Variants in CCDC91 observed in about 807,000 individuals in gnomAD.
CCDC91 encodes the protein coiled-coil domain-containing protein 91.
In CCDC91, 48 loss-of-function variants were observed where a neutral mutation model predicts 63.2. That is an observed-to-expected ratio of 0.76 (90% CI 0.60 to 0.97). The LOEUF (loss-of-function observed/expected upper bound fraction) is 0.97. Ranked by LOEUF, CCDC91 falls within the 50% of genes least tolerant of loss-of-function variation. The pLI is 0.00. For synonymous variants in CCDC91, 167 were observed against 165.8 expected (o/e 1.01, Z -0.06); for missense variants, 500 against 494.6 (o/e 1.01, Z -0.10).
intron 6 of CCDC91, among the ~76,000 whole-genome samples, chr12:28,324,852 C>T (rs1432460299): frequency 2.6e-5 from 4 of 151,594 alleles, no homozygotes; most frequent in Non-Finnish European, 4.4e-5. Context: ...ACCGTAAGAA[C>T]CATACAATTT....
intron 3 of CCDC91, among the ~76,000 whole-genome samples, chr12:28,283,472 G>A (rs756461103): frequency 1.1e-4 from 16 of 151,914 alleles, no homozygotes; most frequent in Non-Finnish European, 2.2e-4. Flanking sequence ...TGCAGCTGTT[G>A]TAAATGGGAT....
chr12:28,545,756 G>C lies in CCDC91; in HGVS notation c.1216-3307G>C, dbSNP rs78630243. 1.6e-3 allele frequency among the ~76,000 whole-genome samples: 246 copies of C among 152,152 alleles called. 2 individuals carry two copies. Among genetic ancestry groups the C allele is most frequent in the African/African-American group, 5.8e-3 (239 of 41,548 alleles). The stretch of plus-strand genomic sequence containing the variant: ...GAGAAGCGTGTGGTGTGTTTAAACA[G>C]AAATCTATCAAACTTTTTTTGTCCT... On this transcript the variant is annotated intron_variant, in intron 12 of 12. Coordinates refer to ENST00000536442, the MANE Select transcript of CCDC91 (RefSeq NM_018318.5).
At chr12:28,192,437 T>C (rs1392278762) in intron 1 of CCDC91, among the ~76,000 whole-genome samples, 1 of 152,190 alleles carries the variant, frequency 6.6e-6, no homozygotes, top group Admixed American at 6.5e-5. Flanking sequence ...TCCCAAACTG[T>C]AGGTCATAAT....
At chr12:28,439,327 G>A (rs370744258) in intron 8 of CCDC91, among the ~76,000 whole-genome samples, 2 of 152,210 alleles carry the variant, frequency 1.3e-5, no homozygotes, top group African/African-American at 2.4e-5. Context: ...CCATAAATGG[G>A]TGAAATGTCC....
chr12:28,336,957 T>G (rs767703963), intron 6 of CCDC91, among the ~76,000 whole-genome samples: 9 of 152,158 alleles, frequency 5.9e-5, no homozygotes, highest in Non-Finnish European at 1.3e-4. Flanking sequence ...ATTTTTCATC[T>G]TTTAGTATAT....
At chr12:28,405,067 C>CT (rs145338903) in intron 8 of CCDC91, among the ~76,000 whole-genome samples, 14 of 151,648 alleles carry the variant, frequency 9.2e-5, no homozygotes, top group South Asian at 2.1e-4. Flanking sequence ...ATTTGTTGCT[C>CT]TTTTTTTTGG....
chr12:28,515,783 A>T (rs947446722), intron 12 of CCDC91, among the ~76,000 whole-genome samples: 8 of 151,766 alleles, frequency 5.3e-5, no homozygotes, highest in Non-Finnish European at 1.0e-4. Context: ...ATTCTATGTT[A>T]TTTTTTTCCT....
At chr12:28,441,146 T>G (rs572414566) in intron 8 of CCDC91, among the ~76,000 whole-genome samples, 19 of 147,554 alleles carry the variant, frequency 1.3e-4, no homozygotes, top group Non-Finnish European at 2.2e-4. Context: ...GATAAAATAC[T>G]TAACATTTTT....
intron 11 of CCDC91, among the ~76,000 whole-genome samples, chr12:28,460,375 C>T (rs1361585839): frequency 1.3e-5 from 2 of 151,928 alleles, no homozygotes; most frequent in Non-Finnish European, 2.9e-5. Flanking sequence ...TACTTGTGAT[C>T]AAAAGAATTT....
At chr12:28,424,005 G>T (rs1035846964) in intron 8 of CCDC91, among the ~76,000 whole-genome samples, 1 of 152,124 alleles carries the variant, frequency 6.6e-6, no homozygotes, top group African/African-American at 2.4e-5. Flanking sequence ...ATTGTTTTAT[G>T]GAACTTCATA....
chr12:28,341,287 G>A (rs1942401728), intron 6 of CCDC91, among the ~76,000 whole-genome samples: 1 of 152,172 alleles, frequency 6.6e-6, no homozygotes, highest in African/African-American at 2.4e-5. Context: ...ACATTTGGGT[G>A]TGAAGGCAGG....
chr12:28,237,772 T>C (rs1263508424), intron 1 of CCDC91, among the ~76,000 whole-genome samples: 3 of 152,242 alleles, frequency 2.0e-5, no homozygotes, highest in Non-Finnish European at 4.4e-5. Flanking sequence ...GAAACTATTA[T>C]GTGTGAATAT....
At position 28,194,401 on chromosome 12, in the gene CCDC91, C is replaced by T. The variant is rs1253258400; in HGVS notation, c.-15+3760C>T. The stretch of plus-strand genomic sequence containing the variant: ...TCAAGAATGAAGGCACGGACCCTCG[C>T]AGTGAGTGTTACAGTTCTTGAAGAT... On this transcript the variant is annotated intron_variant, in intron 1 of 12. Coordinates refer to ENST00000536442, the MANE Select transcript of CCDC91 (RefSeq NM_018318.5). Among the ~76,000 whole-genome samples, 3 of 152,300 alleles carry T rather than the reference C, an allele frequency of 2.0e-5. No individual in the cohort carries two copies. In the East Asian group the frequency reaches 5.8e-4, roughly 29 times the overall value.
At position 28,339,981 on chromosome 12, in the gene CCDC91, C is replaced by T. The variant is rs150476414; in HGVS notation, c.577-22457C>T. 7.4e-4 allele frequency among the ~76,000 whole-genome samples: 113 copies of T among 152,170 alleles called. 1 individual carries two copies. Among genetic ancestry groups the T allele is most frequent in the African/African-American group, 2.6e-3 (109 of 41,522 alleles). On this transcript the variant is annotated intron_variant, in intron 6 of 12. Coordinates refer to ENST00000536442, the MANE Select transcript of CCDC91 (RefSeq NM_018318.5). The stretch of plus-strand genomic sequence containing the variant: ...ATACACACATATATATGTATATATA[C>T]ACACACTACTTATAGCTATATTTTG...
intron 3 of CCDC91, among the ~76,000 whole-genome samples, chr12:28,280,017 C>G (rs1948500602): frequency 6.6e-6 from 1 of 151,932 alleles, no homozygotes; most frequent in Non-Finnish European, 1.5e-5. Flanking sequence ...AGAATATAAA[C>G]AGAGGAAATG....
intron 7 of CCDC91, among the ~76,000 whole-genome samples, chr12:28,388,024 T>C (rs1945711592): frequency 6.6e-6 from 1 of 152,154 alleles, no homozygotes; most frequent in South Asian, 2.1e-4. Flanking sequence ...ACTGTTCTCT[T>C]TTCACCATAT....
intron 3 of CCDC91, among the ~76,000 whole-genome samples, chr12:28,299,949 T>C (rs1236731446): frequency 6.6e-6 from 1 of 151,468 alleles, no homozygotes; most frequent in Non-Finnish European, 1.5e-5. Context: ...GTTTTAAATG[T>C]TCTTTATTTA....
chr12:28,234,561 CTG>C (rs1944810060), intron 1 of CCDC91, among the ~76,000 whole-genome samples: 1 of 152,042 alleles, frequency 6.6e-6, no homozygotes, highest in East Asian at 1.9e-4. Flanking sequence ...ACAAAAATAA[CTG>C]TTTCTTGATA....
rs149414147 is a variant in CCDC91 at position 28,500,815 on chromosome 12, A to G, written c.1215+16650A>G. The stretch of plus-strand genomic sequence containing the variant: ...GCATTATCAACAGTCAGCACTTGGA[A>G]TGTTCCCTGCCCTCCCCCTATTATC... On this transcript the variant is annotated intron_variant, in intron 12 of 12. Coordinates refer to ENST00000536442, the MANE Select transcript of CCDC91 (RefSeq NM_018318.5). 5.9e-4 allele frequency among the ~76,000 whole-genome samples: 89 copies of G among 151,812 alleles called. 2 individuals are homozygous for G. In the East Asian group the frequency reaches 0.016, roughly 27 times the overall value.
Sources: allele counts gnomAD v4.1 joint callset (sites outside exome capture counted in the v4.1 genomes callset), GRCh38; gene constraint gnomAD v4.1.1; transcripts MANE v1.5; gene names NCBI Gene and HGNC (gene_info 2026-07-23, HGNC 2026-07-21).